The following WDPCP variants were observed in gnomAD, a reference collection of about 807,000 sequenced individuals.
WDPCP encodes the protein WD repeat-containing and planar cell polarity effector protein fritz homolog.
In WDPCP, 71 loss-of-function variants were observed where a neutral mutation model predicts 93.1. The ratio of observed to expected loss-of-function variants is 0.76; its 90% CI spans 0.63 to 0.93. WDPCP has a LOEUF of 0.93. Ranked by LOEUF, WDPCP falls within the 40% of genes least tolerant of loss-of-function variation. The pLI is 0.00. For missense variants in WDPCP, 844 were observed against 887.4 expected (o/e 0.95, Z 0.62); for synonymous variants, 315 against 315.0 (o/e 1.00, Z 0.00).
chr2:63,208,602 T>C (rs1024160779), intron 14 of WDPCP, among the ~76,000 whole-genome samples: 3 of 152,178 alleles, frequency 2.0e-5, no homozygotes, highest in Non-Finnish European at 4.4e-5. Flanking sequence ...CTCCATACTT[T>C]CTACAGTTTT....
At chr2:63,544,878 G>A (rs1319557758) in intron 1 of WDPCP, among the ~76,000 whole-genome samples, 1 of 152,032 alleles carries the variant, frequency 6.6e-6, no homozygotes, top group Non-Finnish European at 1.5e-5. Context: ...ATTAACCTGA[G>A]ACTTATTTAA....
chr2:63,809,341 C>T (rs1229666658), intron 2 of WDPCP, among the ~76,000 whole-genome samples: 1 of 151,456 alleles, frequency 6.6e-6, no homozygotes, highest in Non-Finnish European at 1.5e-5. Flanking sequence ...GTGAGGGGCG[C>T]CTCTGCCCAG....
intron 2 of WDPCP, among the ~76,000 whole-genome samples, chr2:63,492,399 C>T (rs1197572675): frequency 6.6e-6 from 1 of 151,554 alleles, no homozygotes; most frequent in African/African-American, 2.4e-5. Context: ...AATGCCTTTA[C>T]CATTAGCTAT....
At chr2:63,385,613 G>A (rs374437751) in intron 10 of WDPCP, among the ~76,000 whole-genome samples, 2 of 152,034 alleles carry the variant, frequency 1.3e-5, no homozygotes, top group African/African-American at 4.8e-5. Context: ...AGAAACTAAT[G>A]AACACCTAAA....
Position 63,153,552 on chromosome 2 carries a change from C to A in WDPCP, c.2101G>T (p.Glu701Ter). The A allele has an allele frequency of 6.2e-7, 1 of 1,612,206 alleles. No homozygotes were observed. The highest frequency in any genetic ancestry group is 1.1e-5 in the South Asian group (1 of 90,870). Residue 701 changes from glutamate to a stop codon, truncating the protein, a stop_gained, in exon 16 of 18, where the codon GAA becomes TAA. Transcript: ENST00000272321. LOFTEE classifies it high-confidence loss of function. ...SNRQIIDRRNELEKDICSGFL... is the reference protein window; with the variant it reads ...SNRQIIDRRN ...CCAGAACAGATGTCTTTTTCAAGTT[C>A]ATTCCTTCTGTCAATTATTTGTCTG...
intron 2 of WDPCP, among the ~76,000 whole-genome samples, chr2:63,753,445 A>C (rs188625585): frequency 6.6e-6 from 1 of 152,224 alleles, no homozygotes; most frequent in Admixed American, 6.5e-5. Context: ...CAGCAACAAC[A>C]AAAAATGAAA....
At chr2:63,439,544 A>G (rs1290061194) in intron 7 of WDPCP, among the ~76,000 whole-genome samples, 1 of 152,188 alleles carries the variant, frequency 6.6e-6, no homozygotes, top group Non-Finnish European at 1.5e-5. Flanking sequence ...AACAACTCAG[A>G]ATATAAGCTT....
At chr2:63,571,528 T>C (rs896836570) in intron 1 of WDPCP, 3 of 470,534 alleles carry the variant, frequency 6.4e-6, no homozygotes, top group Non-Finnish European at 1.3e-5. Context: ...TCTTTCCAAG[T>C]ATAGACTTCC....
intron 1 of WDPCP, among the ~76,000 whole-genome samples, chr2:63,816,904 A>G (rs1040360807): frequency 6.6e-6 from 1 of 152,308 alleles, no homozygotes; most frequent in Non-Finnish European, 1.5e-5. Flanking sequence ...ATTTATATGA[A>G]GTTCAAGAAC....
rs1241487105 is a variant in WDPCP, at chr2:63,693,888, A to G, written n.309-43050T>C. Among the ~76,000 whole-genome samples the G allele has an allele frequency of 2.0e-5, 3 of 152,170 alleles. No individual in the cohort carries two copies. In the East Asian group the frequency reaches 5.8e-4, roughly 29 times the overall value. ...GTATACATCATTTATTGATTAATGG[A>G]CCATTCACTAATGCTTATGGAGTGT... On this transcript the variant is annotated intron_variant and non_coding_transcript_variant, in intron 2 of 4. Transcript: ENST00000467687.
At chr2:63,447,567 G>A (rs1208414050) in intron 6 of WDPCP, among the ~76,000 whole-genome samples, 7 of 151,990 alleles carry the variant, frequency 4.6e-5, no homozygotes, top group East Asian at 1.9e-4. Flanking sequence ...TGAGTCCCTC[G>A]TCTCTGCTAT....
chr2:63,679,153 C>T (rs1710459273), intron 2 of WDPCP, among the ~76,000 whole-genome samples: 2 of 152,204 alleles, frequency 1.3e-5, no homozygotes, highest in Non-Finnish European at 2.9e-5. Context: ...TCTTTAGGTT[C>T]CCAATACCCC....
At chr2:63,247,119 A>T (rs1440589569) in intron 14 of WDPCP, among the ~76,000 whole-genome samples, 2 of 152,202 alleles carry the variant, frequency 1.3e-5, no homozygotes, top group Admixed American at 6.6e-5. Context: ...ATGCCATCGA[A>T]CAGGATTCCT....
Position 63,796,602 on chromosome 2 carries a change from CT to C in WDPCP, n.308+17019del, listed in dbSNP as rs1380615610. On this transcript the variant is annotated intron_variant and non_coding_transcript_variant, in intron 2 of 4. Coordinates refer to the WDPCP transcript ENST00000467687. ...TGAAACATTGCAATGGAACTCAGTGCTGCCCTGTCATAGTGGAAAGCAACAT... is the reference window on the plus strand; with the variant it reads ...TGAAACATTGCAATGGAACTCAGTGCGCCCTGTCATAGTGGAAAGCAACAT... 1.2e-4 allele frequency among the ~76,000 whole-genome samples: 19 copies of C among 152,340 alleles called. No individual in the cohort carries two copies. The East Asian group carries it at 3.1e-3, about 25-fold the overall frequency.
At chr2:63,705,895 G>T (rs948823012) in intron 2 of WDPCP, among the ~76,000 whole-genome samples, 1 of 151,958 alleles carries the variant, frequency 6.6e-6, no homozygotes, top group Non-Finnish European at 1.5e-5. Context: ...TTGACAGTGG[G>T]GTGTTAAAGT....
At chr2:63,322,560 C>T (rs1430166382) in intron 12 of WDPCP, among the ~76,000 whole-genome samples, 1 of 152,172 alleles carries the variant, frequency 6.6e-6, no homozygotes, top group Non-Finnish European at 1.5e-5. Context: ...AGCTGTAGCA[C>T]TCACTGCGAA....
chr2:63,648,195 T>C (rs368754171), intron 3 of WDPCP, among the ~76,000 whole-genome samples: 21 of 152,200 alleles, frequency 1.4e-4, no homozygotes, highest in Non-Finnish European at 2.5e-4. Flanking sequence ...CTGTCAGGCA[T>C]GTGACAAATC....
chr2:63,760,441 T>C (rs954346197), intron 2 of WDPCP, among the ~76,000 whole-genome samples: 3 of 152,076 alleles, frequency 2.0e-5, no homozygotes, highest in East Asian at 3.8e-4. Flanking sequence ...CTGTGGAATA[T>C]TTCCCTTCCT....
At chr2:63,157,620 G>A (rs940601402) in intron 15 of WDPCP, among the ~76,000 whole-genome samples, 4 of 152,102 alleles carry the variant, frequency 2.6e-5, no homozygotes, top group African/African-American at 9.7e-5. Context: ...TTGGTAGTTT[G>A]TGGCTTTCAA....
Sources: gnomAD v4.1 joint callset for allele counts (sites outside exome capture counted in the v4.1 genomes callset) on GRCh38, gnomAD v4.1.1 for gene constraint, MANE v1.5 for transcripts, NCBI Gene and HGNC (gene_info 2026-07-23, HGNC 2026-07-21) for gene names.